TSHZ1: variants seen among roughly 807,000 people sequenced by gnomAD.
The protein encoded by TSHZ1 is teashirt homolog 1.
In TSHZ1, 12 loss-of-function variants were observed where a neutral mutation model predicts 67.1. That is an observed-to-expected ratio of 0.18 (90% CI 0.11 to 0.29). The LOEUF is 0.29. TSHZ1 is among the 10% of genes least tolerant of loss of function. The pLI, the probability that TSHZ1 is intolerant of heterozygous loss-of-function variation, is 1.00. For synonymous variants in TSHZ1, 632 were observed against 622.4 expected (o/e 1.02, Z -0.23); for missense variants, 1,305 against 1,413.9 (o/e 0.92, Z 1.23).
At chr18:75,254,029 T>C (rs1346613955) in intron 1 of TSHZ1, among the ~76,000 whole-genome samples, 3 of 152,242 alleles carry the variant, frequency 2.0e-5, no homozygotes, top group Non-Finnish European at 4.4e-5. Context: ...TGGCGTAGCA[T>C]TGACTGCAGT....
chr18:75,257,335 G>C (rs2023373312), intron 1 of TSHZ1, among the ~76,000 whole-genome samples: 1 of 152,140 alleles, frequency 6.6e-6, no homozygotes, highest in Admixed American at 6.5e-5. Context: ...TTTTATTGCT[G>C]TTGTAAGCCA....
rs1237975531 is a variant in TSHZ1, at chr18:75,210,904, G to C, written c.-973G>C. On this transcript the variant is annotated 5_prime_UTR_variant, in exon 1 of 2. Transcript: ENST00000580243. ...TCTCTCCCAGGAGTTTGAGGGGGGGGGGGACAGTCCACGCTCATCTCGCCC... is the reference window on the plus strand; with the variant it reads ...TCTCTCCCAGGAGTTTGAGGGGGGGCGGGACAGTCCACGCTCATCTCGCCC... 2.0e-5 allele frequency: 3 copies of C among 150,568 alleles called. No individual in the cohort carries two copies. The highest frequency in any genetic ancestry group is 3.0e-5 in the Non-Finnish European group (2 of 67,706). 9.3% of individuals were successfully genotyped at this position (150,568 alleles called of 1,614,324 possible). A position where few individuals can be genotyped will look rare whatever the true frequency, so the allele number is the denominator to read the frequency against.
chr18:75,270,694 G>C (rs1185185368), intron 1 of TSHZ1, among the ~76,000 whole-genome samples: 1 of 152,156 alleles, frequency 6.6e-6, no homozygotes, highest in Non-Finnish European at 1.5e-5. Context: ...TTTCTTTCAG[G>C]CTACTGTCGT....
chr18:75,245,974 C>T (rs973718102), intron 1 of TSHZ1, among the ~76,000 whole-genome samples: 1 of 152,158 alleles, frequency 6.6e-6, no homozygotes, highest in Non-Finnish European at 1.5e-5. Flanking sequence ...AAATACAATG[C>T]TCTGAATCAA....
rs528038013 is a variant in TSHZ1, at chr18:75,238,691, ACAAAATCATGAATG to A, written c.40+26796_40+26809del. ...GGGAGTGTCTTCTTAAGAAAAAAGT[ACAAAATCATGAATG>A]CAAAATCATGAATGCAAAATTAAGT... On this transcript the variant is annotated intron_variant, in intron 1 of 1. Coordinates refer to ENST00000580243, the MANE Select transcript of TSHZ1 (RefSeq NM_001308210.2). 1.8e-3 allele frequency among the ~76,000 whole-genome samples: 280 copies of A among 152,312 alleles called. 2 individuals are homozygous for A. Among genetic ancestry groups the A allele is most frequent in the African/African-American group, 5.3e-3 (222 of 41,560 alleles).
chr18:75,228,634 C>T (rs2022956235), intron 1 of TSHZ1, among the ~76,000 whole-genome samples: 1 of 152,206 alleles, frequency 6.6e-6, no homozygotes, highest in African/African-American at 2.4e-5. Flanking sequence ...TCTTGTTGAC[C>T]TAATTAATAT....
intron 1 of TSHZ1, chr18:75,285,061 C>T (rs916012305): frequency 5.8e-6 from 1 of 171,198 alleles, no homozygotes; most frequent in African/African-American, 2.4e-5. Context: ...TGGGTGTTTA[C>T]AAATATTTGC....
intron 1 of TSHZ1, among the ~76,000 whole-genome samples, chr18:75,237,940 G>A (rs1195291173): frequency 6.6e-6 from 1 of 152,100 alleles, no homozygotes; most frequent in Admixed American, 6.5e-5. Flanking sequence ...AGCCTCCCGA[G>A]TAGCTGGGAT....
chr18:75,258,894 T>C (rs2023395999), intron 1 of TSHZ1, among the ~76,000 whole-genome samples: 1 of 152,188 alleles, frequency 6.6e-6, no homozygotes, highest in Admixed American at 6.5e-5. Flanking sequence ...CACATGTTCT[T>C]AACTTGCTAT....
At chr18:75,232,314 T>C (rs1354767773) in intron 1 of TSHZ1, among the ~76,000 whole-genome samples, 1 of 152,214 alleles carries the variant, frequency 6.6e-6, no homozygotes, top group Non-Finnish European at 1.5e-5. Flanking sequence ...ACACAGATAA[T>C]TTACACCAAT....
intron 1 of TSHZ1, among the ~76,000 whole-genome samples, chr18:75,277,475 T>C (rs1435068476): frequency 4.6e-5 from 7 of 152,124 alleles, no homozygotes; most frequent in Admixed American, 4.6e-4. Flanking sequence ...GTGTGTGGAC[T>C]GTGAGCAACA....
At chr18:75,274,660 A>G (rs1028349632) in intron 1 of TSHZ1, among the ~76,000 whole-genome samples, 3 of 152,222 alleles carry the variant, frequency 2.0e-5, no homozygotes, top group Non-Finnish European at 4.4e-5. Context: ...GATTGTCACA[A>G]ATAATTAGCT....
At chr18:75,238,985 C>T (rs2023119166) in intron 1 of TSHZ1, among the ~76,000 whole-genome samples, 1 of 151,534 alleles carries the variant, frequency 6.6e-6, no homozygotes. Context: ...AGCTTCCCCT[C>T]TGCAGTCTGC....
At chr18:75,285,284 G>A (rs759752480) in intron 1 of TSHZ1, 164 bp from the exon 2 acceptor site, 78 of 776,756 alleles carry the variant, frequency 1.0e-4, no homozygotes, top group Non-Finnish European at 1.3e-4. Flanking sequence ...AGCACCTTTT[G>A]AAACCTAACT....
rs181922771 is a variant in TSHZ1 at position 75,227,518 on chromosome 18, C to T, written c.40+15602C>T. ...AGAAAGTGCAAAGGAAAAAAAAAGT[C>T]AGCCAGAGGAGAGCATGCTGTGAAA... On this transcript the variant is annotated intron_variant, in intron 1 of 1. Coordinates refer to ENST00000580243, the MANE Select transcript of TSHZ1 (RefSeq NM_001308210.2). 5.8e-3 allele frequency among the ~76,000 whole-genome samples: 879 copies of T among 152,294 alleles called. 11 individuals are homozygous for T. Among genetic ancestry groups the T allele is most frequent in the African/African-American group, 0.021 (856 of 41,560 alleles).
chr18:75,252,709 A>G (rs2023319079), intron 1 of TSHZ1, among the ~76,000 whole-genome samples: 1 of 152,146 alleles, frequency 6.6e-6, no homozygotes. Flanking sequence ...TGCTAACTTC[A>G]TTGTACACCA....
At chr18:75,258,790 G>A (rs908988438) in intron 1 of TSHZ1, among the ~76,000 whole-genome samples, 1 of 152,088 alleles carries the variant, frequency 6.6e-6, no homozygotes, top group African/African-American at 2.4e-5. Flanking sequence ...CTCCTCACTC[G>A]AGCTCACAGT....
At position 75,288,281 on chromosome 18, in the gene TSHZ1, A is replaced by C. The variant is rs757913311; in HGVS notation, c.2874A>C (p.Lys958Asn). The stretch of plus-strand genomic sequence containing the variant: ...AGTTGAGGAGGACAGGGGGAACGAA[A>C]TTCCTAAAGAACCTGGACACAGGGC... ...KYQLRRTGGTKFLKNLDTGHP... is the reference protein window; with the variant it reads ...KYQLRRTGGTNFLKNLDTGHP... The change falls in exon 2 of 2, where the codon AAA becomes AAC. Residue 958 changes from lysine to asparagine, a missense_variant. Around this residue, in one of 3 missense-constraint regions of TSHZ1, gnomAD observed 909 missense variants for 961.8 expected, o/e 0.95. Coordinates refer to ENST00000580243, the MANE Select transcript of TSHZ1 (RefSeq NM_001308210.2). The surrounding 1 kb of genome is among the most constrained non-coding windows in gnomAD (Gnocchi z 4.9). 8 of 1,614,204 alleles carry C rather than the reference A, an allele frequency of 5.0e-6. No individual in the cohort carries two copies. The highest frequency in any genetic ancestry group is 6.8e-6 in the Non-Finnish European group (8 of 1,180,034).
At chr18:75,232,883 C>T (rs2023018318) in intron 1 of TSHZ1, among the ~76,000 whole-genome samples, 2 of 152,254 alleles carry the variant, frequency 1.3e-5, no homozygotes, top group African/African-American at 4.8e-5. Context: ...TGAGGAAAGA[C>T]TGGCAGTAAC....
Sources: gnomAD v4.1 joint callset for allele counts (sites outside exome capture counted in the v4.1 genomes callset) on GRCh38, gnomAD v4.1.1 for gene constraint, gnomAD v4.1.1 regional missense constraint, Gnocchi (gnomAD v3.1) non-coding constraint, MANE v1.5 for transcripts, NCBI Gene and HGNC (gene_info 2026-07-23, HGNC 2026-07-21) for gene names.